EDARADD: variants seen among roughly 807,000 people sequenced by gnomAD.
EDARADD encodes the protein EDAR associated via death domain.
In EDARADD, 20 loss-of-function variants were observed where a neutral mutation model predicts 25.6. The ratio of observed to expected loss-of-function variants is 0.78; its 90% CI spans 0.55 to 1.14. The LOEUF (loss-of-function observed/expected upper bound fraction) is 1.14. Ranked by LOEUF, EDARADD falls within the 50% of genes most tolerant of loss-of-function variation. EDARADD has a pLI of 0.00. For synonymous variants in EDARADD, 86 were observed against 94.4 expected, an observed-to-expected ratio of 0.91 and a Z score of 0.52; for missense variants, 225 against 270.1, an observed-to-expected ratio of 0.83 and a Z score of 1.17.
chr1:236,417,897 T>C (rs541772587), intron 3 of EDARADD, among the ~76,000 whole-genome samples: 62 of 152,194 alleles, frequency 4.1e-4, no homozygotes, highest in Non-Finnish European at 6.0e-4. Flanking sequence ...AAAAATGTTA[T>C]AGTGTATTTA....
chr1:236,484,571 C>T lies in EDARADD; in HGVS notation c.*1922C>T. 2.2e-6 allele frequency: 2 copies of T among 891,098 alleles called. No homozygotes were observed. Among genetic ancestry groups the T allele is most frequent in the Middle Eastern group, 3.5e-4 (1 of 2,890 alleles). The allele number at this position is 891,098 out of a possible 1,614,324, so 55.2% of individuals were successfully genotyped here. The stretch of plus-strand genomic sequence containing the variant: ...GACCCCCGAGCAACATTTGTAGGGG[C>T]CGCTGCTAGTTAGCTACCCTTGCCC... On this transcript the variant is annotated 3_prime_UTR_variant, in exon 6 of 6. Coordinates refer to ENST00000334232, the MANE Select transcript of EDARADD (RefSeq NM_145861.4). This position sits in a 1 kb window ranked among gnomAD's most constrained non-coding sequence, Gnocchi z 4.1.
chr1:236,428,687 C>G, intron 4 of EDARADD, among the ~76,000 whole-genome samples: 1 of 90,222 alleles, frequency 1.1e-5, no homozygotes, highest in Non-Finnish European at 3.0e-5. Flanking sequence ...CCTCACTTCC[C>G]AGACTGGGCT....
intron 3 of EDARADD, among the ~76,000 whole-genome samples, chr1:236,377,686 C>T (rs529236348): frequency 3.4e-4 from 52 of 150,926 alleles, no homozygotes; most frequent in Non-Finnish European, 6.6e-4. Context: ...GGTGAAACCC[C>T]GTCTCTACTA....
chr1:236,429,466 C>T (rs1396514025), intron 4 of EDARADD, among the ~76,000 whole-genome samples: 3 of 151,912 alleles, frequency 2.0e-5, no homozygotes, highest in African/African-American at 4.8e-5. Context: ...CAAGCTCCAC[C>T]TCCCAGGTTC....
intron 3 of EDARADD, among the ~76,000 whole-genome samples, chr1:236,356,761 A>C (rs1470441): frequency 0.16 from 19,498 of 118,406 alleles, 1,796 homozygotes; most frequent in East Asian, 0.52. Flanking sequence ...CAAAACAAAA[A>C]AAAAAACCAC....
intron 5 of EDARADD, among the ~76,000 whole-genome samples, chr1:236,472,280 C>G (rs913438418): frequency 6.6e-6 from 1 of 152,126 alleles, no homozygotes; most frequent in Non-Finnish European, 1.5e-5. Flanking sequence ...GGCAGGCGCT[C>G]CTGACTAAAT....
chr1:236,469,940 C>A (rs1417982583), intron 5 of EDARADD, among the ~76,000 whole-genome samples: 1 of 151,940 alleles, frequency 6.6e-6, no homozygotes, highest in Non-Finnish European at 1.5e-5. Context: ...GAACTCCTGA[C>A]CTCAGGTGAT....
At chr1:236,427,521 A>G in intron 4 of EDARADD, 71 bp downstream of exon 4, 1 of 1,386,484 alleles carries the variant, frequency 7.2e-7, no homozygotes, top group Non-Finnish European at 1.0e-6. Context: ...TGAGATTTAT[A>G]GAGTTTTACA....
intron 1 of EDARADD, among the ~76,000 whole-genome samples, chr1:236,399,107 G>A (rs1475931364): frequency 6.6e-6 from 1 of 152,224 alleles, no homozygotes; most frequent in Non-Finnish European, 1.5e-5. Flanking sequence ...GTTAAAGTAA[G>A]ATGTTTGTAT....
At chr1:236,430,143 T>G (rs1658055749) in intron 4 of EDARADD, among the ~76,000 whole-genome samples, 1 of 152,218 alleles carries the variant, frequency 6.6e-6, no homozygotes, top group Admixed American at 6.5e-5. Context: ...GTGGTGCTAG[T>G]TTTAACTTTG....
intron 3 of EDARADD, among the ~76,000 whole-genome samples, chr1:236,360,537 G>GTTT (rs869053977): frequency 4.6e-5 from 6 of 131,270 alleles, no homozygotes; most frequent in African/African-American, 6.1e-5. Flanking sequence ...TTAATTCACG[G>GTTT]TTTTTTTTTT....
chr1:236,462,727 G>A (rs776460062), intron 4 of EDARADD, among the ~76,000 whole-genome samples: 8 of 152,206 alleles, frequency 5.3e-5, no homozygotes, highest in African/African-American at 1.7e-4. Context: ...CAACTTAGCC[G>A]ACTTTCTGTT....
intron 5 of EDARADD, among the ~76,000 whole-genome samples, chr1:236,470,258 A>C (rs1052809326): frequency 6.6e-6 from 1 of 152,192 alleles, no homozygotes; most frequent in Non-Finnish European, 1.5e-5. Context: ...AACCAAGGAA[A>C]CTTCTAAAAG....
At position 236,447,233 on chromosome 1, in the gene EDARADD, C is replaced by CTTTCTTTCTTT. The variant is rs59368020; in HGVS notation, c.219+19783_219+19784insTTTCTTTCTTT. On this transcript the variant is annotated intron_variant, in intron 4 of 5. Transcript: ENST00000334232. ...CTTTCTTTCTTTCTTTCCTTTCTTT[C>CTTTCTTTCTTT]CTTTCTTTCCTTTCTTTCCTTTCTT... is the stretch of plus-strand genomic sequence containing the variant. Among the ~76,000 whole-genome samples, 433 of 104,666 alleles carry CTTTCTTTCTTT rather than the reference C, an allele frequency of 4.1e-3. 7 individuals carry two copies. Among genetic ancestry groups the CTTTCTTTCTTT allele is most frequent in the African/African-American group, 0.017 (393 of 23,608 alleles). 68.7% of individuals were successfully genotyped at this position (104,666 alleles called of 152,430 possible).
At chr1:236,470,505 T>C (rs1030632844) in intron 5 of EDARADD, among the ~76,000 whole-genome samples, 1 of 152,260 alleles carries the variant, frequency 6.6e-6, no homozygotes, top group South Asian at 2.1e-4. Flanking sequence ...TGAATGATAG[T>C]CATTATTAAT....
chr1:236,459,155 C>G (rs946138758), intron 4 of EDARADD, among the ~76,000 whole-genome samples: 1 of 151,988 alleles, frequency 6.6e-6, no homozygotes, highest in East Asian at 1.9e-4. Flanking sequence ...TCCTTTTGCC[C>G]GTGTTCTAGC....
chr1:236,459,774 A>G (rs1571948996), intron 4 of EDARADD, among the ~76,000 whole-genome samples: 1 of 151,688 alleles, frequency 6.6e-6, no homozygotes, highest in Non-Finnish European at 1.5e-5. Flanking sequence ...CGCCACACCC[A>G]GCCAATTTTT....
intron 4 of EDARADD, among the ~76,000 whole-genome samples, chr1:236,461,900 T>G (rs10925133): frequency 0.61 from 92,439 of 151,666 alleles, 31,250 homozygotes; most frequent in Non-Finnish European, 0.75. Context: ...ATGTTTCACA[T>G]TAAACTAGCC....
chr1:236,395,757 G>T lies in EDARADD; in HGVS notation c.61+1252G>T. ...GCAGCCGCAGGGCTATCGAGGCCGGGCCTCGGCGACCCCCGAGGGAGGCCC... is the reference window on the plus strand; with the variant it reads ...GCAGCCGCAGGGCTATCGAGGCCGGTCCTCGGCGACCCCCGAGGGAGGCCC... On this transcript the variant is annotated intron_variant, in intron 1 of 5. Transcript: ENST00000334232. This position sits in a 1 kb window ranked among gnomAD's most constrained non-coding sequence, Gnocchi z 6.9. The T allele has an allele frequency of 2.1e-6, 3 of 1,436,332 alleles. No individual in the cohort carries two copies. Among genetic ancestry groups the T allele is most frequent in the Non-Finnish European group, 2.8e-6 (3 of 1,089,230 alleles). The allele number at this position is 1,436,332 out of a possible 1,614,324, so 89.0% of individuals were successfully genotyped here. A position where few individuals can be genotyped will look rare whatever the true frequency, so the allele number is the denominator to read the frequency against.
Sources: allele counts gnomAD v4.1 joint callset (sites outside exome capture counted in the v4.1 genomes callset), GRCh38; gene constraint gnomAD v4.1.1; non-coding constraint Gnocchi (gnomAD v3.1); transcripts MANE v1.5; gene names NCBI Gene and HGNC (gene_info 2026-07-23, HGNC 2026-07-21).